Variants in PKP2 observed in about 807,000 individuals in gnomAD.
PKP2 encodes plakophilin 2.
In PKP2, 73 loss-of-function variants were observed where a neutral mutation model predicts 83.4. That is an observed-to-expected ratio of 0.88 (90% confidence interval 0.72 to 1.06). The LOEUF is 1.06. Among genes scored for constraint, PKP2 ranks in the 50% least tolerant of loss-of-function variants. PKP2 has a pLI of 0.00. For synonymous variants in PKP2, 409 were observed against 430.4 expected (o/e 0.95, Z 0.62); for missense variants, 966 against 1,065.4 (o/e 0.91, Z 1.30).
At chr12:32,806,686 T>TTGTGTGTGTGTGTG (rs140484431) in intron 9 of PKP2, among the ~76,000 whole-genome samples, 222 of 149,708 alleles carry the variant, frequency 1.5e-3, no homozygotes, top group African/African-American at 4.8e-3. Flanking sequence ...TTTGAAGGGT[T>TTGTGTGTGTGTGTG]TGTGTGTGTG....
chr12:32,832,160 C>T (rs577182320), intron 6 of PKP2, among the ~76,000 whole-genome samples: 34 of 152,128 alleles, frequency 2.2e-4, no homozygotes, highest in Admixed American at 7.9e-4. Flanking sequence ...AGGCAGATCA[C>T]GAGATCAGAA....
chr12:32,834,085 A>G (rs923481510), intron 6 of PKP2, among the ~76,000 whole-genome samples: 2 of 152,172 alleles, frequency 1.3e-5, no homozygotes, highest in African/African-American at 2.4e-5. Context: ...TTTAAGTTTG[A>G]CTTTCTCCAG....
intron 1 of PKP2, among the ~76,000 whole-genome samples, chr12:32,879,744 C>T (rs184173836): frequency 1.5e-3 from 222 of 151,036 alleles, no homozygotes; most frequent in African/African-American, 5.1e-3. Context: ...GCAGGAGAAT[C>T]GCTTGAACCC....
rs1592738583 is a variant in PKP2 at position 32,824,070 on chromosome 12, A to T, written c.1649T>A (p.Ile550Asn). ...CTTGTCATCTGGCTGGTAATCTGCA[A>T]TGGTTCCTCTGACATAATGGACCAG... ...DSLVHYVRGT[I>N]ADYQPDDKAT... The change falls in exon 7 of 13, where the codon ATT (isoleucine) becomes AAT (asparagine). Residue 550 changes from isoleucine to asparagine, a missense_variant. Physicochemically the swap from Ile to Asn is moderately radical, Grantham distance 149. Coordinates refer to ENST00000340811, the MANE Select transcript of PKP2 (RefSeq NM_001005242.3). 6.2e-7 allele frequency: 1 copy of T among 1,603,228 alleles called. No homozygotes were observed. Among genetic ancestry groups the T allele is most frequent in the Admixed American group, 1.7e-5 (1 of 60,002 alleles).
chr12:32,842,338 G>A (rs1159785158), intron 5 of PKP2, among the ~76,000 whole-genome samples: 2 of 152,052 alleles, frequency 1.3e-5, no homozygotes, highest in Non-Finnish European at 2.9e-5. Context: ...CACCTCCCAG[G>A]TTCAAGCAAT....
At chr12:32,886,178 A>G (rs1957028582) in intron 1 of PKP2, among the ~76,000 whole-genome samples, 1 of 152,082 alleles carries the variant, frequency 6.6e-6, no homozygotes, top group Non-Finnish European at 1.5e-5. Flanking sequence ...ATGGTCTTTT[A>G]GAAGGAAAGA....
intron 6 of PKP2, among the ~76,000 whole-genome samples, chr12:32,839,641 G>A (rs923407053): frequency 2.2e-4 from 33 of 152,028 alleles, no homozygotes; most frequent in African/African-American, 7.5e-4. Flanking sequence ...AATGAATTCC[G>A]ACTTGTTTCA....
chr12:32,850,904 C>G lies in PKP2; in HGVS notation c.1240G>C (p.Ala414Pro). 1 of 1,614,130 alleles carries G rather than the reference C, an allele frequency of 6.2e-7. No homozygotes were observed. Among genetic ancestry groups the G allele is most frequent in the East Asian group, 2.2e-5 (1 of 44,886 alleles). Residue 414 changes from alanine (A) to proline (P), a missense_variant, in exon 5 of 13, where the codon GCT (alanine) becomes CCT (proline). Coordinates refer to ENST00000340811, the MANE Select transcript of PKP2 (RefSeq NM_001005242.3). The stretch of plus-strand genomic sequence containing the variant: ...AAGTTTCTCAAGGCCCCACACACAG[C>G]TCGCTGAACGTCTTCATTCTGAACT... The part of the protein sequence containing the change: ...LKVQNEDVQR[A>P]VCGALRNLVF...
intron 4 of PKP2, among the ~76,000 whole-genome samples, chr12:32,860,635 C>T (rs558500802): frequency 6.6e-5 from 10 of 152,274 alleles, no homozygotes; most frequent in Non-Finnish European, 1.5e-5. Context: ...ACCTAGATGA[C>T]AGGTTGATAG....
chr12:32,843,319 C>A, intron 5 of PKP2: 1 of 1,365,278 alleles, frequency 7.3e-7, no homozygotes. Flanking sequence ...ATGGTCTGTA[C>A]AAAGGAAAGA....
intron 4 of PKP2, among the ~76,000 whole-genome samples, chr12:32,860,297 ATTC>A (rs1565593365): frequency 6.6e-6 from 1 of 152,200 alleles, no homozygotes; most frequent in Non-Finnish European, 1.5e-5. Flanking sequence ...GCCTGCTAGT[ATTC>A]AGTAGAGTAT....
chr12:32,846,250 T>C (rs1434869491), intron 5 of PKP2, among the ~76,000 whole-genome samples: 1 of 152,108 alleles, frequency 6.6e-6, no homozygotes, highest in Non-Finnish European at 1.5e-5. Flanking sequence ...GATGAACTTC[T>C]GAGACTAAGA....
chr12:32,824,848 C>G (rs1956420707), intron 6 of PKP2, among the ~76,000 whole-genome samples: 1 of 151,974 alleles, frequency 6.6e-6, no homozygotes, highest in Non-Finnish European at 1.5e-5. Context: ...AGTAACTAAA[C>G]CTATAATTGG....
At chr12:32,819,083 GC>G (rs1956347980) in intron 9 of PKP2, among the ~76,000 whole-genome samples, 1 of 152,056 alleles carries the variant, frequency 6.6e-6, no homozygotes, top group African/African-American at 2.4e-5. Context: ...TTTGAGACCA[GC>G]CTGGCCAACA....
chr12:32,871,396 A>G (rs1475002367), intron 3 of PKP2, among the ~76,000 whole-genome samples: 1 of 152,052 alleles, frequency 6.6e-6, no homozygotes, highest in Non-Finnish European at 1.5e-5. Context: ...CCTGGGCTCA[A>G]GCGATCCTCC....
At chr12:32,803,234 G>A (rs547446399) in intron 9 of PKP2, among the ~76,000 whole-genome samples, 9 of 152,110 alleles carry the variant, frequency 5.9e-5, no homozygotes, top group Non-Finnish European at 1.2e-4. Flanking sequence ...TTAGCCAGGC[G>A]TGGTGGCACG....
chr12:32,832,573 T>C (rs1956510272), intron 6 of PKP2, among the ~76,000 whole-genome samples: 1 of 152,228 alleles, frequency 6.6e-6, no homozygotes, highest in African/African-American at 2.4e-5. Context: ...GTTTAAATAA[T>C]TAGCCAAATA....
chr12:32,858,493 G>A (rs188659215), intron 4 of PKP2, among the ~76,000 whole-genome samples: 1 of 152,076 alleles, frequency 6.6e-6, no homozygotes, highest in East Asian at 1.9e-4. Context: ...TAGGCAAAGG[G>A]TCAGTGAGAA....
At chr12:32,851,097 T>C in intron 4 of PKP2, 124 bp from the exon 5 acceptor site, 1 of 785,296 alleles carries the variant, frequency 1.3e-6, no homozygotes, top group East Asian at 2.7e-5. Context: ...AACAACTATG[T>C]GTAGCACAAC....
Sources: allele counts gnomAD v4.1 joint callset (sites outside exome capture counted in the v4.1 genomes callset), GRCh38; gene constraint gnomAD v4.1.1; transcripts MANE v1.5; gene names NCBI Gene and HGNC (gene_info 2026-07-23, HGNC 2026-07-21).